MLIP: variants seen among roughly 807,000 people sequenced by gnomAD.
MLIP encodes the protein muscular LMNA interacting protein.
MLIP carries 79 observed loss-of-function variants against 84.8 expected under a neutral mutation model. That is an observed-to-expected ratio of 0.93 (90% CI 0.78 to 1.12). The LOEUF is 1.12. Ranked by LOEUF, MLIP falls within the 50% of genes most tolerant of loss-of-function variation. MLIP has a pLI of 0.00. For synonymous variants in MLIP, 504 were observed against 463.0 expected (o/e 1.09, Z -1.14); for missense variants, 1,257 against 1,160.6 (o/e 1.08, Z -1.21).
At position 54,137,701 on chromosome 6, in the gene MLIP, A is replaced by C. The variant is rs958523439; in HGVS notation, c.1632A>C (p.Thr544=). 1.8e-5 allele frequency: 28 copies of C among 1,535,916 alleles called. No homozygotes were observed. The highest frequency in any genetic ancestry group is 2.2e-5 in the Non-Finnish European group (25 of 1,146,882). The change falls in exon 4 of 14, where the codon ACA becomes ACC. Residue 544 remains threonine, a synonymous_variant. Transcript: ENST00000502396. The stretch of plus-strand genomic sequence containing the variant: ...TGCTCTCCCTGCTACAAACCAGTAC[A>C]TCCAGTTCTGTGGGTCTTCCTCCTG... The part of the protein sequence containing the change: ...NTMLSLLQTS[T]SSSVGLPPVP...
chr6:54,099,535 A>G (rs1768484452), intron 1 of MLIP: 1 of 152,154 alleles, frequency 6.6e-6, no homozygotes, highest in African/African-American at 2.4e-5. Context: ...TGTGCATCAT[A>G]GAGTATGGGC....
rs1582069077 is a variant in MLIP at position 54,069,685 on chromosome 6, T to C, written c.63+50594T>C. On this transcript the variant is annotated intron_variant, in intron 1 of 12. Coordinates refer to the MLIP transcript ENST00000274897. ...ATAAAAAAAGGCAATATAGACAATT[T>C]TTTTTTTCTGAATATTTTTGATCTG... 2.0e-5 allele frequency among the ~76,000 whole-genome samples: 2 copies of C among 99,894 alleles called. 1 individual carries two copies. The highest frequency in any genetic ancestry group is 5.3e-4 in the East Asian group (2 of 3,764). The allele number at this position is 99,894 out of a possible 152,430, so 65.5% of individuals were successfully genotyped here.
intron 11 of MLIP, among the ~76,000 whole-genome samples, chr6:54,204,612 T>C (rs929374033): frequency 1.4e-4 from 22 of 152,350 alleles, no homozygotes; most frequent in African/African-American, 5.3e-4. Flanking sequence ...TTGTAGAGTA[T>C]TGAGTTAATC....
intron 11 of MLIP, chr6:54,216,546 C>T (rs961736139): frequency 2.8e-5 from 28 of 984,290 alleles, no homozygotes; most frequent in East Asian, 1.1e-4. Flanking sequence ...GACAACCATA[C>T]ACTTTAAGCA....
intron 11 of MLIP, among the ~76,000 whole-genome samples, chr6:54,218,444 G>A (rs911043343): frequency 6.6e-5 from 10 of 152,300 alleles, no homozygotes; most frequent in Admixed American, 5.2e-4. Context: ...CAGTGAGTGA[G>A]TGGTGAGTAT....
Position 54,101,927 on chromosome 6 carries a change from G to T in MLIP, c.64-19520G>T, listed in dbSNP as rs74343868. ...GCCTATACAGCCATATTTTGAGAAT[G>T]GATACTGGAAGCTTGAGAAAAGTAT... On this transcript the variant is annotated intron_variant, in intron 1 of 12. Transcript: ENST00000274897. 8.3e-3 allele frequency among the ~76,000 whole-genome samples: 1,258 copies of T among 152,250 alleles called. 19 individuals are homozygous for T. The highest frequency in any genetic ancestry group is 0.028 in the African/African-American group (1,169 of 41,548).
chr6:54,141,807 G>A lies in MLIP; in HGVS notation c.2217+3521G>A, dbSNP rs73741448. Among the ~76,000 whole-genome samples the A allele has an allele frequency of 5.7e-3, 865 of 152,234 alleles. 14 individuals are homozygous for A. Among genetic ancestry groups the A allele is most frequent in the African/African-American group, 0.019 (782 of 41,530 alleles). ...AGGGTAAGCATTTCATCAAAGCCTC[G>A]TAGAGTCTGCCACTTACCGAAGACA... On this transcript the variant is annotated intron_variant, in intron 4 of 13. Transcript: ENST00000502396.
chr6:54,189,070 C>A lies in MLIP; in HGVS notation c.2545-800C>A, dbSNP rs183707971. 1.2e-3 allele frequency among the ~76,000 whole-genome samples: 175 copies of A among 152,158 alleles called. 1 individual carries two copies. The highest frequency in any genetic ancestry group is 3.9e-3 in the African/African-American group (163 of 41,516). ...TCCAAGACAGTAAGGCCTGAAAAAA[C>A]CACAAAAACCTTTACTTTAGTAAGA... On this transcript the variant is annotated intron_variant, in intron 9 of 13. Coordinates refer to ENST00000502396, the MANE Select transcript of MLIP (RefSeq NM_001281747.2).
At chr6:54,176,806 A>G (rs932277180) in intron 9 of MLIP, among the ~76,000 whole-genome samples, 3 of 152,158 alleles carry the variant, frequency 2.0e-5, no homozygotes, top group Non-Finnish European at 1.5e-5. Flanking sequence ...AAACTATACT[A>G]CAAGGCTACA....
chr6:54,232,082 G>C lies in MLIP; in HGVS notation c.2922+1165G>C, dbSNP rs2150808178. Among the ~76,000 whole-genome samples the C allele has an allele frequency of 2.0e-5, 3 of 151,766 alleles. No individual in the cohort carries two copies. In the Middle Eastern group the frequency reaches 0.01, roughly 520 times the overall value. On this transcript the variant is annotated intron_variant, in intron 12 of 13. Transcript: ENST00000502396. Reference sequence around the variant, plus strand: ...GACCTTTGTTTGTGTCCCATTCTTGGTCTAGAAAATAAGTATATGAGAGAA... The same window carrying C: ...GACCTTTGTTTGTGTCCCATTCTTGCTCTAGAAAATAAGTATATGAGAGAA...
chr6:54,051,708 G>A (rs1223510987), intron 1 of MLIP, among the ~76,000 whole-genome samples: 2 of 152,058 alleles, frequency 1.3e-5, no homozygotes, highest in African/African-American at 2.4e-5. Context: ...TCCTCTCTGG[G>A]TCTCAGTTTC....
rs1414266422 is a variant in MLIP, at chr6:54,251,687, A to AATATATATTATAACATATGATAC, written c.2923-5598_2923-5576dup. ...AATATATATTATAACATATAATATA[A>AATATATATTATAACATATGATAC]ATATATATTATAACATATGATACAT... is the stretch of plus-strand genomic sequence containing the variant. On this transcript the variant is annotated intron_variant, in intron 12 of 13. Transcript: ENST00000502396. 2.4e-3 allele frequency among the ~76,000 whole-genome samples: 235 copies of AATATATATTATAACATATGATAC among 99,214 alleles called. 1 individual carries two copies. Among genetic ancestry groups the AATATATATTATAACATATGATAC allele is most frequent in the Non-Finnish European group, 3.5e-3 (206 of 58,104 alleles). The allele number at this position is 99,214 out of a possible 152,430, so 65.1% of individuals were successfully genotyped here.
At chr6:54,230,150 A>T (rs1231638916) in intron 11 of MLIP, among the ~76,000 whole-genome samples, 1 of 152,130 alleles carries the variant, frequency 6.6e-6, no homozygotes, top group African/African-American at 2.4e-5. Context: ...AGAATTGAAG[A>T]CCTTATTCAT....
At chr6:54,088,179 G>T (rs1391716276) in intron 1 of MLIP, among the ~76,000 whole-genome samples, 6 of 152,232 alleles carry the variant, frequency 3.9e-5, no homozygotes, top group African/African-American at 1.4e-4. Context: ...ACAAGCCAAG[G>T]AAAAGAGAGA....
intron 3 of MLIP, among the ~76,000 whole-genome samples, chr6:54,126,498 T>C (rs1488368126): frequency 6.6e-6 from 1 of 151,938 alleles, no homozygotes; most frequent in African/African-American, 2.4e-5. Context: ...AGATTATGAT[T>C]ACCAGTAGTG....
chr6:54,161,074 A>C (rs1774591972), intron 8 of MLIP, among the ~76,000 whole-genome samples: 1 of 151,944 alleles, frequency 6.6e-6, no homozygotes, highest in Admixed American at 6.6e-5. Context: ...AGTTCAAAAC[A>C]GTTTGAAAGC....
chr6:54,128,648 A>G (rs1249717019), intron 3 of MLIP, among the ~76,000 whole-genome samples: 1 of 152,108 alleles, frequency 6.6e-6, no homozygotes, highest in African/African-American at 2.4e-5. Context: ...TCAGTTTGAG[A>G]AATGGATGGA....
At chr6:54,051,582 A>T (rs1022574779) in intron 1 of MLIP, among the ~76,000 whole-genome samples, 4 of 152,064 alleles carry the variant, frequency 2.6e-5, no homozygotes, top group African/African-American at 9.7e-5. Context: ...ATTAATCCTG[A>T]TAGTCTCTAT....
At chr6:54,217,003 T>G in intron 11 of MLIP, 1 of 985,448 alleles carries the variant, frequency 1.0e-6, no homozygotes, top group Non-Finnish European at 1.2e-6. Flanking sequence ...ATGCTATGGC[T>G]CTGATTTTAA....
Sources: allele counts gnomAD v4.1 joint callset (sites outside exome capture counted in the v4.1 genomes callset), GRCh38; gene constraint gnomAD v4.1.1; transcripts MANE v1.5; gene names NCBI Gene and HGNC (gene_info 2026-07-23, HGNC 2026-07-21).